The following EEPD1 variants were observed in gnomAD, a reference collection of about 807,000 sequenced individuals.
The protein encoded by EEPD1 is endonuclease/exonuclease/phosphatase family domain-containing protein 1.
In EEPD1, 17 loss-of-function variants were observed where a neutral mutation model predicts 46.3. The observed-to-expected ratio is 0.37, with a 90% CI of 0.25 to 0.55. The LOEUF (loss-of-function observed/expected upper bound fraction) is 0.55. Ranked by LOEUF, EEPD1 falls within the 20% of genes least tolerant of loss-of-function variation. EEPD1 has a pLI of 0.83. For synonymous variants in EEPD1, 313 were observed against 315.6 expected (o/e 0.99, Z 0.09); for missense variants, 673 against 745.6 (o/e 0.90, Z 1.13).
chr7:36,254,224 A>G (rs1452157010), intron 3 of EEPD1, among the ~76,000 whole-genome samples: 1 of 152,074 alleles, frequency 6.6e-6, no homozygotes, highest in Non-Finnish European at 1.5e-5. Context: ...TGGTTTGTGT[A>G]CCCATCAACC....
At chr7:36,261,936 G>C (rs1441182181) in intron 3 of EEPD1, among the ~76,000 whole-genome samples, 2 of 152,180 alleles carry the variant, frequency 1.3e-5, no homozygotes, top group East Asian at 3.8e-4. Context: ...GAAATGATGA[G>C]TTTAGGCCTG....
chr7:36,158,795 C>T (rs2726054), intron 2 of EEPD1, among the ~76,000 whole-genome samples: 22,568 of 152,214 alleles, frequency 0.15, 2,182 homozygotes, highest in Non-Finnish European at 0.22. Context: ...GTTAATATTT[C>T]ATTTTTACTT....
chr7:36,282,234 C>A (rs1350278541), intron 4 of EEPD1, among the ~76,000 whole-genome samples: 6 of 152,232 alleles, frequency 3.9e-5, no homozygotes, highest in African/African-American at 1.4e-4. Context: ...TACCACCTTC[C>A]TTTTTTGATC....
intron 2 of EEPD1, among the ~76,000 whole-genome samples, chr7:36,223,199 ATTTTAACAC>A (rs1476490027): frequency 5.9e-5 from 9 of 151,890 alleles, no homozygotes; most frequent in African/African-American, 1.9e-4. Flanking sequence ...TAAGAAATAA[ATTTTAACAC>A]AGTAATAATA....
At chr7:36,281,090 T>A (rs756012434) in intron 3 of EEPD1, 25 bp from the exon 4 acceptor site, 2 of 1,612,158 alleles carry the variant, frequency 1.2e-6, no homozygotes, top group Admixed American at 1.7e-5. Context: ...AACCCACGCT[T>A]CTGACCTGTG....
At chr7:36,175,995 C>T (rs1554310710) in intron 2 of EEPD1, among the ~76,000 whole-genome samples, 1 of 152,160 alleles carries the variant, frequency 6.6e-6, no homozygotes. Flanking sequence ...CAGGCTGTGG[C>T]GTGGGCCCTT....
chr7:36,197,688 G>A (rs1224320423), intron 2 of EEPD1, among the ~76,000 whole-genome samples: 2 of 152,056 alleles, frequency 1.3e-5, no homozygotes, highest in Non-Finnish European at 2.9e-5. Flanking sequence ...TGCAAGATGT[G>A]CTTTGTTAAA....
At chr7:36,168,880 C>G (rs1242078975) in intron 2 of EEPD1, among the ~76,000 whole-genome samples, 1 of 152,106 alleles carries the variant, frequency 6.6e-6, no homozygotes, top group Admixed American at 6.5e-5. Context: ...TACTGCCCTG[C>G]AAGCGCTTTA....
intron 3 of EEPD1, among the ~76,000 whole-genome samples, chr7:36,257,075 A>T (rs973698013): frequency 3.3e-5 from 5 of 152,212 alleles, no homozygotes; most frequent in Non-Finnish European, 7.3e-5. Flanking sequence ...TCCTTCGCTT[A>T]TGAAGCTCAA....
chr7:36,170,787 C>A (rs1232444082), intron 2 of EEPD1, among the ~76,000 whole-genome samples: 2 of 152,150 alleles, frequency 1.3e-5, no homozygotes, highest in Non-Finnish European at 2.9e-5. Context: ...ACCTGTTCAT[C>A]CCCCCGACCA....
chr7:36,211,225 T>C (rs968811376), intron 2 of EEPD1, among the ~76,000 whole-genome samples: 3 of 152,204 alleles, frequency 2.0e-5, no homozygotes, highest in African/African-American at 7.2e-5. Flanking sequence ...TTCTGTGGCA[T>C]GGTAAATAAC....
chr7:36,257,332 G>C (rs1786842769), intron 3 of EEPD1, among the ~76,000 whole-genome samples: 1 of 151,794 alleles, frequency 6.6e-6, no homozygotes, highest in Non-Finnish European at 1.5e-5. Flanking sequence ...TATCTTTGTG[G>C]TATTCTCTGT....
At chr7:36,168,445 G>A (rs1013206907) in intron 2 of EEPD1, among the ~76,000 whole-genome samples, 10 of 152,106 alleles carry the variant, frequency 6.6e-5, no homozygotes, top group African/African-American at 2.4e-4. Context: ...TTGGAAATGG[G>A]GCCAAAAGAT....
chr7:36,199,875 C>G (rs1785685633), intron 2 of EEPD1, among the ~76,000 whole-genome samples: 1 of 152,130 alleles, frequency 6.6e-6, no homozygotes, highest in South Asian at 2.1e-4. Context: ...CGTGAGCTCC[C>G]CCTCCAACCT....
intron 2 of EEPD1, among the ~76,000 whole-genome samples, chr7:36,196,526 G>A (rs1252185561): frequency 1.3e-5 from 2 of 152,128 alleles, no homozygotes; most frequent in African/African-American, 2.4e-5. Context: ...ATTCTCCTGC[G>A]TCAGCCTGCC....
Position 36,266,877 on chromosome 7 carries a change from T to C in EEPD1, c.931-14238T>C, listed in dbSNP as rs528605282. ...GCTTTTTTCGCTTAGTGTAATGTGT[T>C]CAAGGTTCATCCATGTATCAGTACT... is the stretch of plus-strand genomic sequence containing the variant. On this transcript the variant is annotated intron_variant, in intron 3 of 7. Transcript: ENST00000242108. Among the ~76,000 whole-genome samples the C allele has an allele frequency of 5.3e-5, 8 of 152,364 alleles. No homozygotes were observed. In the South Asian group the frequency reaches 1.7e-3, roughly 32 times the overall value.
intron 3 of EEPD1, among the ~76,000 whole-genome samples, chr7:36,242,648 C>A (rs540457558): frequency 6.6e-6 from 1 of 151,606 alleles, no homozygotes; most frequent in Non-Finnish European, 1.5e-5. Context: ...TGAGGCCAGG[C>A]GTAGTGGCTT....
chr7:36,156,240 TG>T (rs1242737692), intron 2 of EEPD1, among the ~76,000 whole-genome samples: 25 of 152,294 alleles, frequency 1.6e-4, no homozygotes, highest in Non-Finnish European at 3.1e-4. Context: ...CAGTGCATGA[TG>T]GCAGATCACC....
At chr7:36,203,936 G>A (rs867863624) in intron 2 of EEPD1, among the ~76,000 whole-genome samples, 7 of 151,184 alleles carry the variant, frequency 4.6e-5, no homozygotes, top group South Asian at 4.2e-4. Context: ...TGGAGATCAC[G>A]CTGATGTATA....
Sources: allele counts gnomAD v4.1 joint callset (sites outside exome capture counted in the v4.1 genomes callset), GRCh38; gene constraint gnomAD v4.1.1; transcripts MANE v1.5; gene names NCBI Gene and HGNC (gene_info 2026-07-23, HGNC 2026-07-21).